The following CEP89 variants were observed in gnomAD, a reference collection of about 807,000 sequenced individuals.
CEP89 encodes the protein centrosomal protein 89, also known as centrosomal protein of 89 kDa.
In CEP89, 95 loss-of-function variants were observed where a neutral mutation model predicts 97.6. That is an observed-to-expected ratio of 0.97 (90% CI 0.82 to 1.15). CEP89 has a LOEUF of 1.15. Among genes scored for constraint, CEP89 ranks in the 50% most tolerant of loss-of-function variants. CEP89 has a pLI of 0.00. For synonymous variants in CEP89, 354 were observed against 349.1 expected, an observed-to-expected ratio of 1.01 and a Z score of -0.16; for missense variants, 869 against 947.7, an observed-to-expected ratio of 0.92 and a Z score of 1.09.
Position 32,893,505 on chromosome 19 carries a change from T to G in CEP89, c.1876-5664A>C, listed in dbSNP as rs998076901. ...GAAAACTAACAAAGAAACATTGAAT[T>G]TAACTGCACTTTAGACAAAATGACC... On this transcript the variant is annotated intron_variant, in intron 16 of 18. Coordinates refer to ENST00000305768, the MANE Select transcript of CEP89 (RefSeq NM_032816.5). 2.6e-5 allele frequency among the ~76,000 whole-genome samples: 4 copies of G among 152,208 alleles called. No individual in the cohort carries two copies. The East Asian group carries it at 7.7e-4, about 29-fold the overall frequency.
In CEP89 at chr19:32,878,962, T is replaced by TAAA. The variant is rs71336972; in HGVS notation, c.*197_*199dup. 0.011 allele frequency: 4,204 copies of TAAA among 383,254 alleles called. 3 individuals are homozygous for TAAA. Among genetic ancestry groups the TAAA allele is most frequent in the Non-Finnish European group, 0.014 (3,087 of 216,048 alleles). The allele number at this position is 383,254 out of a possible 1,614,324, so 23.7% of individuals were successfully genotyped here. A position where few individuals can be genotyped will look rare whatever the true frequency, so the allele number is the denominator to read the frequency against. On this transcript the variant is annotated 3_prime_UTR_variant, in exon 19 of 19. Coordinates refer to ENST00000305768, the MANE Select transcript of CEP89 (RefSeq NM_032816.5). ...GGGCAACAGAGTGAGACCCTAGCTCTAAAAAAAAAAAAAAATTAAAAAATA... is the reference window on the plus strand; with the variant it reads ...GGGCAACAGAGTGAGACCCTAGCTCTAAAAAAAAAAAAAAAAAATTAAAAAATA...
chr19:32,964,694 T>C (rs1971243984), intron 2 of CEP89, among the ~76,000 whole-genome samples: 1 of 152,170 alleles, frequency 6.6e-6, no homozygotes, highest in African/African-American at 2.4e-5. Flanking sequence ...TCCACTTATA[T>C]AAAATTCTAG....
intron 16 of CEP89, among the ~76,000 whole-genome samples, 183 bp downstream of exon 16, chr19:32,899,674 T>G (rs1172493591): frequency 6.6e-6 from 1 of 152,192 alleles, no homozygotes; most frequent in Non-Finnish European, 1.5e-5. Context: ...AGTTCCTCAA[T>G]TTATAATAAG....
intron 17 of CEP89, 58 bp downstream of exon 17, chr19:32,887,694 G>T: frequency 9.9e-7 from 1 of 1,007,780 alleles, no homozygotes; most frequent in Non-Finnish European, 1.6e-6. Context: ...AAAATCCACA[G>T]CAGTGAGCCT....
intron 6 of CEP89, among the ~76,000 whole-genome samples, chr19:32,938,220 C>A (rs1227578141): frequency 6.6e-6 from 1 of 152,144 alleles, no homozygotes; most frequent in African/African-American, 2.4e-5. Context: ...CCTTTCTGCA[C>A]TGAGTTCAGT....
intron 9 of CEP89, among the ~76,000 whole-genome samples, chr19:32,930,458 T>C (rs897002718): frequency 6.6e-5 from 10 of 152,168 alleles, no homozygotes; most frequent in African/African-American, 1.9e-4. Context: ...ATGTGAATTA[T>C]ATTTCAAAGC....
chr19:32,953,435 G>T (rs902358249), intron 4 of CEP89, among the ~76,000 whole-genome samples, 180 bp downstream of exon 4: 3 of 152,118 alleles, frequency 2.0e-5, no homozygotes, highest in South Asian at 4.2e-4. Context: ...ATAAAGGAAA[G>T]AAGTTTATGT....
At chr19:32,953,837 A>C (rs1212635422) in intron 3 of CEP89, 36 bp from the exon 4 acceptor site, 94 of 1,468,884 alleles carry the variant, frequency 6.4e-5, no homozygotes, top group Non-Finnish European at 8.9e-5. Flanking sequence ...ACAAACAAAA[A>C]GTCACTTAAC....
chr19:32,926,104 AC>A (rs1386572034), intron 11 of CEP89, 85 bp downstream of exon 11: 23 of 928,646 alleles, frequency 2.5e-5, no homozygotes, highest in Non-Finnish European at 3.9e-5. Flanking sequence ...TGCTGGGTAT[AC>A]CTACATTCAA....
intron 9 of CEP89, among the ~76,000 whole-genome samples, chr19:32,930,270 C>T (rs780109531): frequency 1.3e-5 from 2 of 152,016 alleles, no homozygotes; most frequent in African/African-American, 2.4e-5. Flanking sequence ...TCAACTGATC[C>T]GCCCACCTCA....
At chr19:32,948,184 G>T in intron 5 of CEP89, 82 bp downstream of exon 5, 1 of 698,432 alleles carries the variant, frequency 1.4e-6, no homozygotes, top group Non-Finnish European at 2.4e-6. Context: ...GGGGCAATGG[G>T]TATGTTTTCC....
At chr19:32,958,877 TG>T (rs921266085) in intron 3 of CEP89, among the ~76,000 whole-genome samples, 1 of 147,126 alleles carries the variant, frequency 6.8e-6, no homozygotes, top group Non-Finnish European at 1.5e-5. Context: ...ATTAGCCAGG[TG>T]TGGTGGCGTG....
chr19:32,920,973 T>C (rs1235602176), intron 12 of CEP89, among the ~76,000 whole-genome samples: 11 of 151,652 alleles, frequency 7.3e-5, no homozygotes, highest in African/African-American at 2.7e-4. Context: ...ATCCCAGCAC[T>C]TTGGGAGGCC....
chr19:32,969,078 G>T (rs1971344047), intron 1 of CEP89: 1 of 152,140 alleles, frequency 6.6e-6, no homozygotes, highest in African/African-American at 2.4e-5. Flanking sequence ...GTCTCTGCAG[G>T]TCTCTGAAGC....
intron 7 of CEP89, among the ~76,000 whole-genome samples, chr19:32,934,859 T>A (rs1453496797): frequency 6.6e-6 from 1 of 152,010 alleles, no homozygotes; most frequent in East Asian, 1.9e-4. Flanking sequence ...GCACCTGCAA[T>A]CCCAGCACTT....
chr19:32,945,594 C>T lies in CEP89; in HGVS notation c.595+2672G>A, dbSNP rs367963766. On this transcript the variant is annotated intron_variant, in intron 5 of 18. Transcript: ENST00000305768. ...TCCTCTGTAGAGGGTGCTGGAGAGA[C>T]GCTGGAGGAGCTGGGGCTTTGCTTT... Among the ~76,000 whole-genome samples, 56 of 152,290 alleles carry T rather than the reference C, an allele frequency of 3.7e-4. 2 individuals carry two copies. The East Asian group carries it at 8.1e-3, about 22-fold the overall frequency.
intron 16 of CEP89, among the ~76,000 whole-genome samples, chr19:32,898,635 AC>A (rs1969695003): frequency 6.6e-6 from 1 of 152,174 alleles, no homozygotes; most frequent in East Asian, 1.9e-4. Context: ...TAATCCCAGC[AC>A]TCTGGGAGGC....
chr19:32,899,131 A>ATTTCC (rs377046778), intron 16 of CEP89, among the ~76,000 whole-genome samples: 30,213 of 143,064 alleles, frequency 0.21, 3,556 homozygotes, highest in African/African-American at 0.25. Flanking sequence ...TTTAATTAGC[A>ATTTCC]TTTTTTTTTT....
chr19:32,889,092 G>C (rs1469940349), intron 16 of CEP89, among the ~76,000 whole-genome samples: 2 of 152,212 alleles, frequency 1.3e-5, no homozygotes, highest in Non-Finnish European at 2.9e-5. Flanking sequence ...GCTCTCACGA[G>C]CTCCTGGAGA....
Sources: gnomAD v4.1 joint callset for allele counts (sites outside exome capture counted in the v4.1 genomes callset) on GRCh38, gnomAD v4.1.1 for gene constraint, MANE v1.5 for transcripts, NCBI Gene and HGNC (gene_info 2026-07-23, HGNC 2026-07-21) for gene names.